The following ZCCHC17 variants were observed in gnomAD, a reference collection of about 807,000 sequenced individuals.
The protein encoded by ZCCHC17 is zinc finger CCHC-type containing 17.
ZCCHC17 carries 18 observed loss-of-function variants against 30.6 expected under a neutral mutation model. The ratio of observed to expected loss-of-function variants is 0.59; its 90% confidence interval spans 0.41 to 0.87. The LOEUF is 0.87. ZCCHC17 is among the 40% of genes least tolerant of loss of function. The probability of loss-of-function intolerance (pLI) is 0.00; values close to 1 mark genes in which losing one functional copy is unlikely to be tolerated. For synonymous variants in ZCCHC17, 88 were observed against 92.4 expected, an observed-to-expected ratio of 0.95 and a Z score of 0.27; for missense variants, 263 against 284.2, an observed-to-expected ratio of 0.93 and a Z score of 0.54.
At chr1:31,324,298 C>T (rs557729510) in intron 3 of ZCCHC17, among the ~76,000 whole-genome samples, 23 of 152,290 alleles carry the variant, frequency 1.5e-4, no homozygotes, top group African/African-American at 5.3e-4. Flanking sequence ...CATAGCAAGA[C>T]CCCACTGATG....
chr1:31,352,710 G>T (rs1293486638), intron 7 of ZCCHC17, among the ~76,000 whole-genome samples: 1 of 152,104 alleles, frequency 6.6e-6, no homozygotes, highest in Non-Finnish European at 1.5e-5. Context: ...GCCTCCTAAA[G>T]TGCTGGGATT....
intron 3 of ZCCHC17, among the ~76,000 whole-genome samples, chr1:31,324,913 A>G (rs565781678): frequency 6.6e-6 from 1 of 152,302 alleles, no homozygotes; most frequent in African/African-American, 2.4e-5. Context: ...CATAGGGGCC[A>G]GGCTGTCAGT....
At chr1:31,299,501 A>C (rs895863698) in intron 1 of ZCCHC17, among the ~76,000 whole-genome samples, 1 of 152,202 alleles carries the variant, frequency 6.6e-6, no homozygotes, top group African/African-American at 2.4e-5. Flanking sequence ...CTTGCACCTA[A>C]GGTGAAAATT....
chr1:31,346,621 G>T lies in ZCCHC17; in HGVS notation c.318-19G>T, dbSNP rs201581274. 7.6e-5 allele frequency: 121 copies of T among 1,593,484 alleles called. No individual in the cohort carries two copies. Among genetic ancestry groups the T allele is most frequent in the South Asian group, 2.9e-4 (26 of 89,170 alleles). On this transcript the variant is annotated intron_variant, in intron 5 of 7. Transcript: ENST00000344147. Reference sequence around the variant, plus strand: ...ATATCTCTTAAGGGGGCCGGCAGTCGGTATCTTTTTCATTATAGGCAAGAA... The same window carrying T: ...ATATCTCTTAAGGGGGCCGGCAGTCTGTATCTTTTTCATTATAGGCAAGAA...
intron 3 of ZCCHC17, among the ~76,000 whole-genome samples, chr1:31,329,299 T>C (rs1218808180): frequency 6.6e-6 from 1 of 152,222 alleles, no homozygotes; most frequent in Non-Finnish European, 1.5e-5. Context: ...TTAAAACAGC[T>C]ACATGACTAG....
At chr1:31,355,140 A>G (rs1262333162) in intron 7 of ZCCHC17, among the ~76,000 whole-genome samples, 1 of 150,024 alleles carries the variant, frequency 6.7e-6, no homozygotes, top group East Asian at 2.0e-4. Context: ...GCGCCACTGC[A>G]CTCCAGCCTG....
At chr1:31,331,958 A>C (rs7543348) in intron 3 of ZCCHC17, among the ~76,000 whole-genome samples, 82,490 of 151,818 alleles carry the variant, frequency 0.54, 23,300 homozygotes, top group Non-Finnish European at 0.62. Flanking sequence ...ACCTTCATGG[A>C]CAAAAAAAGT....
intron 5 of ZCCHC17, 26 bp from the exon 6 acceptor site, chr1:31,346,614 G>A (rs773788573): frequency 1.2e-5 from 19 of 1,588,522 alleles, no homozygotes; most frequent in East Asian, 1.1e-4. Flanking sequence ...TAAGGGGGCC[G>A]GCAGTCGGTA....
chr1:31,306,748 GC>G (rs1646468958), intron 1 of ZCCHC17, among the ~76,000 whole-genome samples: 1 of 152,144 alleles, frequency 6.6e-6, no homozygotes, highest in Admixed American at 6.5e-5. Flanking sequence ...CCTCACTGCA[GC>G]CTTGATCTCC....
At chr1:31,363,547 T>A (rs944032529) in intron 7 of ZCCHC17, among the ~76,000 whole-genome samples, 4 of 151,998 alleles carry the variant, frequency 2.6e-5, no homozygotes, top group African/African-American at 9.7e-5. Context: ...ATCACAGCAC[T>A]TCGGGAGGCC....
At chr1:31,311,653 A>G (rs932658732) in intron 2 of ZCCHC17, among the ~76,000 whole-genome samples, 11 of 152,198 alleles carry the variant, frequency 7.2e-5, no homozygotes, top group Admixed American at 5.2e-4. Context: ...GTGTCCTCAC[A>G]TGACGGAAGG....
chr1:31,358,768 G>A (rs1052456117), intron 7 of ZCCHC17, among the ~76,000 whole-genome samples: 13 of 152,250 alleles, frequency 8.5e-5, no homozygotes, highest in African/African-American at 3.1e-4. Context: ...AGACCATAGA[G>A]TAGACAGTGG....
intron 5 of ZCCHC17, among the ~76,000 whole-genome samples, chr1:31,341,521 G>T (rs908570221): frequency 6.6e-6 from 1 of 152,160 alleles, no homozygotes; most frequent in Non-Finnish European, 1.5e-5. Context: ...CTGGTTTTGG[G>T]CTGTCTCTGT....
chr1:31,337,775 G>T (rs1036363021), intron 4 of ZCCHC17, among the ~76,000 whole-genome samples: 13 of 151,970 alleles, frequency 8.6e-5, no homozygotes, highest in Admixed American at 7.2e-4. Context: ...CTGTGGGTGT[G>T]GGCCGACCAC....
chr1:31,333,065 T>TA (rs1381778353), intron 3 of ZCCHC17: 3 of 152,216 alleles, frequency 2.0e-5, no homozygotes, highest in Non-Finnish European at 4.4e-5. Context: ...ATATTTTCTA[T>TA]AAACATTTAA....
chr1:31,317,159 G>A (rs1569790251), intron 2 of ZCCHC17, among the ~76,000 whole-genome samples: 1 of 151,598 alleles, frequency 6.6e-6, no homozygotes, highest in East Asian at 1.9e-4. Flanking sequence ...CGAGTAGCTG[G>A]GATTACAGAC....
chr1:31,338,134 C>CT (rs745793056), intron 4 of ZCCHC17, among the ~76,000 whole-genome samples: 6,116 of 126,300 alleles, frequency 0.048, 293 homozygotes, highest in East Asian at 0.18. Flanking sequence ...TAAACCTGGC[C>CT]TTTTTTTTTT....
chr1:31,326,196 C>T (rs184597224), intron 3 of ZCCHC17, among the ~76,000 whole-genome samples: 23 of 152,040 alleles, frequency 1.5e-4, no homozygotes, highest in African/African-American at 5.1e-4. Flanking sequence ...AACAGATTAA[C>T]AATGGTCACT....
At chr1:31,361,791 T>G (rs1347521384) in intron 7 of ZCCHC17, among the ~76,000 whole-genome samples, 1 of 93,532 alleles carries the variant, frequency 1.1e-5, no homozygotes, top group Non-Finnish European at 2.2e-5. Flanking sequence ...GGGAGATTAT[T>G]TATTTATTTA....
Sources: allele counts gnomAD v4.1 joint callset (sites outside exome capture counted in the v4.1 genomes callset), GRCh38; gene constraint gnomAD v4.1.1; transcripts MANE v1.5; gene names NCBI Gene and HGNC (gene_info 2026-07-23, HGNC 2026-07-21).